The following SLC4A4 variants were observed in gnomAD, a reference collection of about 807,000 sequenced individuals.
SLC4A4 encodes electrogenic sodium bicarbonate cotransporter 1.
Under a neutral mutation model 111.5 loss-of-function variants are expected in SLC4A4, and 27 were observed. The ratio of observed to expected loss-of-function variants is 0.24; its 90% CI spans 0.18 to 0.33. The LOEUF (loss-of-function observed/expected upper bound fraction) is 0.33, where lower values mean the gene tolerates loss of function less well. Ranked by LOEUF, SLC4A4 falls within the 10% of genes least tolerant of loss-of-function variation. The pLI, the probability that SLC4A4 is intolerant of heterozygous loss-of-function variation, is 1.00. For synonymous variants in SLC4A4, 443 were observed against 463.4 expected (o/e 0.96, Z 0.57); for missense variants, 909 against 1,315.5 (o/e 0.69, Z 4.78).
intron 16 of SLC4A4, among the ~76,000 whole-genome samples, chr4:71,521,871 C>A (rs1196166177): frequency 6.6e-6 from 1 of 152,130 alleles, no homozygotes; most frequent in Non-Finnish European, 1.5e-5. Flanking sequence ...TAAGTTTATT[C>A]CACTGCAGTC....
At chr4:71,306,764 A>G (rs1725721915) in intron 3 of SLC4A4, among the ~76,000 whole-genome samples, 1 of 152,224 alleles carries the variant, frequency 6.6e-6, no homozygotes, top group South Asian at 2.1e-4. Context: ...CACTTCACAA[A>G]TAACTCAGTT....
At chr4:71,315,721 G>C (rs1726626071) in intron 3 of SLC4A4, among the ~76,000 whole-genome samples, 1 of 152,236 alleles carries the variant, frequency 6.6e-6, no homozygotes, top group Admixed American at 6.5e-5. Context: ...AAGTATGGAG[G>C]TTTACAGAGA....
intron 1 of SLC4A4, among the ~76,000 whole-genome samples, chr4:71,074,381 T>C (rs900455943): frequency 1.3e-5 from 2 of 152,186 alleles, no homozygotes; most frequent in Non-Finnish European, 2.9e-5. Context: ...GAAATGACCA[T>C]TAAAGTATTT....
At chr4:71,349,888 T>C (rs1235275315) in intron 4 of SLC4A4, 24 bp from the exon 5 acceptor site, 2 of 1,613,340 alleles carry the variant, frequency 1.2e-6, no homozygotes, top group Non-Finnish European at 8.5e-7. Flanking sequence ...TTTTAATTGC[T>C]CTTCACTAAT....
chr4:71,405,900 G>T (rs901916625), intron 7 of SLC4A4, among the ~76,000 whole-genome samples: 1 of 152,100 alleles, frequency 6.6e-6, no homozygotes, highest in South Asian at 2.1e-4. Flanking sequence ...GTCCGAGCTG[G>T]CTAATCACTT....
chr4:71,474,009 C>T (rs1032203444), intron 14 of SLC4A4, among the ~76,000 whole-genome samples: 2 of 150,774 alleles, frequency 1.3e-5, no homozygotes, highest in Non-Finnish European at 3.0e-5. Context: ...GAGACCAGTC[C>T]GGGCAACATT....
chr4:71,450,424 G>A lies in SLC4A4; in HGVS notation c.1089G>A (p.Arg363=), dbSNP rs1416809637. ...FHDIAYKAKD[R]HDLIAGIDEF... ...ACATTGCTTATAAAGCAAAAGACAGGCACGACCTGATTGCTGGTATTGATG... is the reference window on the plus strand; with the variant it reads ...ACATTGCTTATAAAGCAAAAGACAGACACGACCTGATTGCTGGTATTGATG... Residue 363 remains arginine, a synonymous_variant, in exon 10 of 26, where the codon AGG becomes AGA. Transcript: ENST00000264485. 2.9e-5 allele frequency: 46 copies of A among 1,612,484 alleles called. No homozygotes were observed. The highest frequency in any genetic ancestry group is 3.8e-5 in the Non-Finnish European group (45 of 1,178,700).
chr4:71,227,424 C>A (rs1375484619), intron 1 of SLC4A4, among the ~76,000 whole-genome samples: 1 of 152,120 alleles, frequency 6.6e-6, no homozygotes, highest in African/African-American at 2.4e-5. Context: ...GGAATGAGTT[C>A]AGATCCAGGG....
chr4:71,497,335 T>G (rs1214583395), intron 15 of SLC4A4, among the ~76,000 whole-genome samples, 166 bp from the exon 16 acceptor site: 3 of 152,106 alleles, frequency 2.0e-5, no homozygotes, highest in Admixed American at 2.0e-4. Flanking sequence ...TTGGCCCATC[T>G]TATCTGTTAT....
At chr4:71,526,821 T>C (rs575993298) in intron 16 of SLC4A4, among the ~76,000 whole-genome samples, 9 of 151,968 alleles carry the variant, frequency 5.9e-5, no homozygotes, top group Admixed American at 1.3e-4. Flanking sequence ...CTTTGACTTT[T>C]CTACCACCTA....
chr4:71,536,480 A>ATATATATG (rs1553928635), intron 18 of SLC4A4, among the ~76,000 whole-genome samples: 41 of 99,130 alleles, frequency 4.1e-4, no homozygotes, highest in African/African-American at 1.4e-3. Context: ...ATATATATAT[A>ATATATATG]TATATATGTA....
At chr4:71,314,317 T>C (rs1726481493) in intron 3 of SLC4A4, among the ~76,000 whole-genome samples, 2 of 152,172 alleles carry the variant, frequency 1.3e-5, no homozygotes, top group South Asian at 2.1e-4. Flanking sequence ...TTTTACACTG[T>C]TGGTGGAGTG....
At chr4:71,304,864 T>G (rs1387746528) in intron 3 of SLC4A4, among the ~76,000 whole-genome samples, 2 of 152,236 alleles carry the variant, frequency 1.3e-5, no homozygotes, top group African/African-American at 4.8e-5. Flanking sequence ...AACCTTACTT[T>G]TACAAAATTT....
chr4:71,507,519 G>A (rs1484335574), intron 16 of SLC4A4, among the ~76,000 whole-genome samples: 2 of 152,128 alleles, frequency 1.3e-5, no homozygotes, highest in African/African-American at 2.4e-5. Context: ...ATGGTAAAGG[G>A]TTCAGTTCAA....
At chr4:71,516,812 AG>A (rs1217712805) in intron 16 of SLC4A4, among the ~76,000 whole-genome samples, 11 of 151,898 alleles carry the variant, frequency 7.2e-5, no homozygotes, top group Non-Finnish European at 1.2e-4. Context: ...GTTCTATTCG[AG>A]GTATGTTTCT....
intron 3 of SLC4A4, among the ~76,000 whole-genome samples, chr4:71,257,501 A>G (rs1247870114): frequency 6.6e-6 from 1 of 152,162 alleles, no homozygotes; most frequent in African/African-American, 2.4e-5. Flanking sequence ...TTCTGTTTAA[A>G]AGTCAGAGTT....
Position 71,277,295 on chromosome 4 carries a change from C to T in SLC4A4, c.253+21896C>T, listed in dbSNP as rs147613679. On this transcript the variant is annotated intron_variant, in intron 3 of 25. Coordinates refer to ENST00000264485, the MANE Select transcript of SLC4A4 (RefSeq NM_001098484.3). ...GTGATCTGATTTCTCTCTACTCTCA[C>T]CAGCATTTAGAATTATCATTATTTT... Among the ~76,000 whole-genome samples, 737 of 152,260 alleles carry T rather than the reference C, an allele frequency of 4.8e-3. 4 individuals carry two copies. Among genetic ancestry groups the T allele is most frequent in the Non-Finnish European group, 6.4e-3 (435 of 68,016 alleles).
intron 1 of SLC4A4, among the ~76,000 whole-genome samples, chr4:71,215,465 A>G (rs1164790306): frequency 6.6e-6 from 1 of 152,230 alleles, no homozygotes; most frequent in African/African-American, 2.4e-5. Context: ...CTGATCCTCC[A>G]GGAAGGGTCT....
intron 3 of SLC4A4, among the ~76,000 whole-genome samples, chr4:71,271,988 T>G (rs1167270121): frequency 6.6e-6 from 1 of 152,246 alleles, no homozygotes; most frequent in African/African-American, 2.4e-5. Context: ...ACGTAGCTAG[T>G]AAGGAGTAAG....
Sources: gnomAD v4.1 joint callset for allele counts (sites outside exome capture counted in the v4.1 genomes callset) on GRCh38, gnomAD v4.1.1 for gene constraint, MANE v1.5 for transcripts, NCBI Gene and HGNC (gene_info 2026-07-23, HGNC 2026-07-21) for gene names.